SLC14A2: variants seen among roughly 807,000 people sequenced by gnomAD.
SLC14A2 encodes urea transporter 2.
Under a neutral mutation model 104.6 loss-of-function variants are expected in SLC14A2, and 91 were observed. The ratio of observed to expected loss-of-function variants is 0.87; its 90% confidence interval spans 0.73 to 1.04. The LOEUF (loss-of-function observed/expected upper bound fraction) is 1.04, where lower values mean the gene tolerates loss of function less well. Among genes scored for constraint, SLC14A2 ranks in the 50% least tolerant of loss-of-function variants. The pLI is 0.00. For synonymous variants in SLC14A2, 476 were observed against 466.4 expected, an observed-to-expected ratio of 1.02 and a Z score of -0.27; for missense variants, 1,189 against 1,156.0, an observed-to-expected ratio of 1.03 and a Z score of -0.41.
rs562123541 is a variant in SLC14A2 at position 45,669,175 on chromosome 18, C to T, written c.2037-131C>T. 839 of 721,686 alleles carry T rather than the reference C, an allele frequency of 1.2e-3. 6 individuals carry two copies. The highest frequency in any genetic ancestry group is 3.5e-3 in the South Asian group (181 of 52,226). 44.7% of individuals were successfully genotyped at this position (721,686 alleles called of 1,614,324 possible). Reference sequence around the variant, plus strand: ...GCCCAGGGAAAGACCTGCTCAGGGCCAGTCAGGCTCCAGAGAATACCCAGC... The same window carrying T: ...GCCCAGGGAAAGACCTGCTCAGGGCTAGTCAGGCTCCAGAGAATACCCAGC... On this transcript the variant is annotated intron_variant, in intron 15 of 19. Coordinates refer to ENST00000255226, the MANE Select transcript of SLC14A2 (RefSeq NM_007163.4).
chr18:45,448,484 T>C (rs532995219), intron 1 of SLC14A2, among the ~76,000 whole-genome samples: 96 of 152,302 alleles, frequency 6.3e-4, no homozygotes, highest in Admixed American at 1.0e-3. Flanking sequence ...TTTTCAGTAA[T>C]GAAAACACAT....
chr18:45,536,490 T>C (rs781397764), intron 2 of SLC14A2, among the ~76,000 whole-genome samples: 1 of 152,184 alleles, frequency 6.6e-6, no homozygotes, highest in African/African-American at 2.4e-5. Context: ...GGCTTGTGGA[T>C]GCATCACTCT....
At chr18:45,244,314 CTT>C (rs1384556632) in intron 1 of SLC14A2, among the ~76,000 whole-genome samples, 2 of 152,010 alleles carry the variant, frequency 1.3e-5, no homozygotes, top group African/African-American at 4.8e-5. Flanking sequence ...ATTTCAAACT[CTT>C]TTTAAAAAAG....
At chr18:45,369,769 T>C (rs1375897681) in intron 1 of SLC14A2, among the ~76,000 whole-genome samples, 2 of 152,186 alleles carry the variant, frequency 1.3e-5, no homozygotes, top group Non-Finnish European at 2.9e-5. Flanking sequence ...TGCTAAGCTC[T>C]GAGAATACAA....
chr18:45,340,910 A>C (rs2085387027), intron 1 of SLC14A2, among the ~76,000 whole-genome samples: 1 of 152,174 alleles, frequency 6.6e-6, no homozygotes, highest in Admixed American at 6.5e-5. Flanking sequence ...CCCTGCTGGG[A>C]ACAAATACAG....
At chr18:45,190,025 C>G in the SLC14A2 span, among the ~76,000 whole-genome samples, 2 of 152,162 alleles carry the variant, frequency 1.3e-5, no homozygotes, top group African/African-American at 4.8e-5. Context: ...CAGCTGATAC[C>G]TGGGTCCTGA....
intron 17 of SLC14A2, 46 bp from the exon 18 acceptor site, chr18:45,673,637 C>T (rs1413939421): frequency 1.3e-6 from 2 of 1,584,224 alleles, no homozygotes; most frequent in Non-Finnish European, 1.7e-6. Flanking sequence ...GCAGATGGGC[C>T]CCATAAGACC....
the SLC14A2 span, chr18:45,181,132 G>A: frequency 6.6e-6 from 1 of 152,448 alleles, no homozygotes; most frequent in Admixed American, 6.6e-5. Flanking sequence ...ACTGTTTAAT[G>A]TCCCCAGATG....
At chr18:45,225,379 G>A (rs1018222142) in intron 1 of SLC14A2, among the ~76,000 whole-genome samples, 1 of 152,116 alleles carries the variant, frequency 6.6e-6, no homozygotes, top group African/African-American at 2.4e-5. Context: ...GTACCATGCT[G>A]TTTTGGTTAC....
chr18:45,429,987 TGC>T (rs2086489633), intron 1 of SLC14A2, among the ~76,000 whole-genome samples: 1 of 152,178 alleles, frequency 6.6e-6, no homozygotes, highest in Non-Finnish European at 1.5e-5. Flanking sequence ...CCTAACTGAC[TGC>T]GCTGTCTCTT....
chr18:45,646,385 T>G (rs1036348738), intron 10 of SLC14A2: 2 of 152,140 alleles, frequency 1.3e-5, no homozygotes, highest in Non-Finnish European at 2.9e-5. Context: ...CTGCCGGGTT[T>G]CCAGAACAGA....
intron 1 of SLC14A2, among the ~76,000 whole-genome samples, chr18:45,214,286 T>C (rs1240583918): frequency 6.6e-6 from 1 of 152,220 alleles, no homozygotes; most frequent in Non-Finnish European, 1.5e-5. Flanking sequence ...AACAGTTGAA[T>C]GCTCAAGTTT....
At chr18:45,600,930 G>A (rs538207805) in intron 2 of SLC14A2, among the ~76,000 whole-genome samples, 1 of 152,340 alleles carries the variant, frequency 6.6e-6, no homozygotes, top group East Asian at 1.9e-4. Flanking sequence ...CCAACCCTGA[G>A]TCAATTTTAT....
chr18:45,601,529 T>A (rs1410069681), intron 2 of SLC14A2, among the ~76,000 whole-genome samples: 6 of 152,224 alleles, frequency 3.9e-5, no homozygotes, highest in Admixed American at 3.9e-4. Context: ...AGCTATAATA[T>A]TTTCTGGGTC....
intron 1 of SLC14A2, among the ~76,000 whole-genome samples, chr18:45,383,833 T>C (rs565222311): frequency 6.6e-6 from 1 of 152,310 alleles, no homozygotes; most frequent in East Asian, 1.9e-4. Flanking sequence ...CCTGGGCTTC[T>C]TTATTTCCTC....
chr18:45,450,845 T>A (rs1466951820), intron 1 of SLC14A2, among the ~76,000 whole-genome samples: 5 of 151,956 alleles, frequency 3.3e-5, no homozygotes. Flanking sequence ...AGGAGACAAA[T>A]GGGGAAGGTA....
intron 1 of SLC14A2, among the ~76,000 whole-genome samples, chr18:45,414,757 A>ATATATATATATAT (rs1555684043): frequency 1.1e-4 from 8 of 76,102 alleles, no homozygotes; most frequent in East Asian, 3.8e-4. Flanking sequence ...AAAAAAAAAA[A>ATATATATATATAT]ATATATATAT....
At chr18:45,608,988 A>G (rs2144440959) in intron 2 of SLC14A2, among the ~76,000 whole-genome samples, 1 of 152,296 alleles carries the variant, frequency 6.6e-6, no homozygotes, top group South Asian at 2.1e-4. Context: ...GCAATGGAAA[A>G]GAAGAGCCCT....
chr18:45,177,533 G>T, the SLC14A2 span, among the ~76,000 whole-genome samples: 1 of 152,066 alleles, frequency 6.6e-6, no homozygotes, highest in Non-Finnish European at 1.5e-5. Flanking sequence ...AGTGTGTGTT[G>T]CATGTCCTGT....
Sources: gnomAD v4.1 joint callset for allele counts (sites outside exome capture counted in the v4.1 genomes callset) on GRCh38, gnomAD v4.1.1 for gene constraint, MANE v1.5 for transcripts, NCBI Gene and HGNC (gene_info 2026-07-23, HGNC 2026-07-21) for gene names.